The following GRIA1 variants were observed in gnomAD, a reference collection of about 807,000 sequenced individuals.
GRIA1 encodes glutamate receptor 1.
GRIA1 carries 31 observed loss-of-function variants against 99.2 expected under a neutral mutation model. The ratio of observed to expected loss-of-function variants is 0.31; its 90% confidence interval spans 0.23 to 0.42. The LOEUF (loss-of-function observed/expected upper bound fraction) is 0.42, where lower values mean the gene tolerates loss of function less well. Ranked by LOEUF, GRIA1 falls within the 10% of genes least tolerant of loss-of-function variation. GRIA1 has a pLI of 1.00. For synonymous variants in GRIA1, 438 were observed against 432.4 expected, an observed-to-expected ratio of 1.01 and a Z score of -0.16; for missense variants, 782 against 1,157.5, an observed-to-expected ratio of 0.68 and a Z score of 4.71.
At chr5:153,525,423 T>A (rs1757501959) in intron 2 of GRIA1, 1 of 152,152 alleles carries the variant, frequency 6.6e-6, no homozygotes, top group Admixed American at 6.5e-5. Context: ...TTCTATTTTT[T>A]GTACTCATTA....
At position 153,810,995 on chromosome 5, in the gene GRIA1, C is replaced by T. The variant is rs369319842; in HGVS notation, c.2521-30C>T. The T allele has an allele frequency of 3.3e-5, 52 of 1,559,006 alleles. No individual in the cohort carries two copies. In the East Asian group the frequency reaches 4.0e-4, roughly 12 times the overall value. On this transcript the variant is annotated intron_variant, in intron 15 of 15. Coordinates refer to ENST00000285900, the MANE Select transcript of GRIA1 (RefSeq NM_000827.4). The stretch of plus-strand genomic sequence containing the variant: ...CCATTGCCTGTCATTGCCAAGGACC[C>T]GGGGAAGAACCCCCGGTCCTCCTGA...
At chr5:153,579,742 T>A (rs115103837) in intron 2 of GRIA1, among the ~76,000 whole-genome samples, 2,997 of 152,232 alleles carry the variant, frequency 0.02, 52 homozygotes, top group African/African-American at 0.041. Context: ...GAAATGGCCA[T>A]GAAGTGCTTA....
chr5:153,517,536 G>A (rs1756742526), intron 2 of GRIA1, among the ~76,000 whole-genome samples: 1 of 152,192 alleles, frequency 6.6e-6, no homozygotes. Context: ...GATATGGGCA[G>A]ATGGGAAGCT....
chr5:153,710,364 A>G (rs1295842183), intron 11 of GRIA1, among the ~76,000 whole-genome samples: 3 of 152,008 alleles, frequency 2.0e-5, no homozygotes, highest in Non-Finnish European at 2.9e-5. Context: ...CTGGGACTAC[A>G]GGCACAAGCC....
chr5:153,717,870 T>C (rs1197895773), intron 11 of GRIA1, among the ~76,000 whole-genome samples: 1 of 152,200 alleles, frequency 6.6e-6, no homozygotes, highest in East Asian at 1.9e-4. Flanking sequence ...TATTTATCTT[T>C]ATCTCCTGAG....
chr5:153,670,534 T>A (rs1402983158), intron 5 of GRIA1, among the ~76,000 whole-genome samples: 1 of 151,720 alleles, frequency 6.6e-6, no homozygotes, highest in African/African-American at 2.4e-5. Flanking sequence ...TCAAAGAGAG[T>A]AGTAATCAAA....
At chr5:153,703,871 C>T (rs17523488) in intron 10 of GRIA1, among the ~76,000 whole-genome samples, 13,623 of 152,244 alleles carry the variant, frequency 0.089, 672 homozygotes, top group African/African-American at 0.11. Flanking sequence ...ACCTCCCTTC[C>T]GGATAACTTG....
At chr5:153,554,582 C>G (rs1490103546) in intron 2 of GRIA1, among the ~76,000 whole-genome samples, 2 of 152,176 alleles carry the variant, frequency 1.3e-5, no homozygotes, top group Non-Finnish European at 2.9e-5. Context: ...CAACCTCTGC[C>G]TCCCAGGTTC....
intron 13 of GRIA1, among the ~76,000 whole-genome samples, chr5:153,774,084 A>C (rs865794597): frequency 0.24 from 7,217 of 29,624 alleles, 358 homozygotes; most frequent in Middle Eastern, 0.38. Flanking sequence ...CCCCCCACAC[A>C]CACACACACA....
intron 13 of GRIA1, among the ~76,000 whole-genome samples, chr5:153,784,488 G>C (rs985566603): frequency 6.6e-6 from 1 of 152,158 alleles, no homozygotes; most frequent in Non-Finnish European, 1.5e-5. Flanking sequence ...TGCCTGACCA[G>C]CATTTCTTCT....
rs540874705 is a variant in GRIA1 at position 153,590,675 on chromosome 5, C to A, written c.221-56253C>A. Among the ~76,000 whole-genome samples, 52 of 152,094 alleles carry A rather than the reference C, an allele frequency of 3.4e-4. 2 individuals are homozygous for A. The highest frequency in any genetic ancestry group is 1.2e-3 in the African/African-American group (51 of 41,502). ...CAATTTTAAAGAAATTTACTTTACACCTATATTTTCCTAAAAAAAAATTTG... is the reference window on the plus strand; with the variant it reads ...CAATTTTAAAGAAATTTACTTTACAACTATATTTTCCTAAAAAAAAATTTG... On this transcript the variant is annotated intron_variant, in intron 2 of 15. Coordinates refer to ENST00000285900, the MANE Select transcript of GRIA1 (RefSeq NM_000827.4).
intron 2 of GRIA1, among the ~76,000 whole-genome samples, chr5:153,547,992 T>C (rs993900246): frequency 1.3e-5 from 2 of 152,168 alleles, no homozygotes; most frequent in African/African-American, 4.8e-5. Flanking sequence ...CATGTCTCCA[T>C]TTATTGTGAC....
intron 2 of GRIA1, among the ~76,000 whole-genome samples, chr5:153,530,461 A>C (rs1225169043): frequency 6.6e-6 from 1 of 152,178 alleles, no homozygotes; most frequent in Non-Finnish European, 1.5e-5. Context: ...GCATGGGTTC[A>C]TCTTTTCTTT....
rs77275619 is a variant in GRIA1, at chr5:153,575,451, G to A, written c.221-71477G>A. On this transcript the variant is annotated intron_variant, in intron 2 of 15. Transcript: ENST00000285900. ...AACGAATTCAGCAGACCCACAATCCGGCACTTCAGGTTTTTGAAATTTACT... is the reference window on the plus strand; with the variant it reads ...AACGAATTCAGCAGACCCACAATCCAGCACTTCAGGTTTTTGAAATTTACT... Among the ~76,000 whole-genome samples, 219 of 152,230 alleles carry A rather than the reference G, an allele frequency of 1.4e-3. 1 individual carries two copies. The highest frequency in any genetic ancestry group is 4.9e-3 in the African/African-American group (203 of 41,548).
intron 2 of GRIA1, among the ~76,000 whole-genome samples, chr5:153,590,881 T>C (rs1397206291): frequency 1.3e-5 from 2 of 152,218 alleles, no homozygotes; most frequent in African/African-American, 2.4e-5. Flanking sequence ...CCTTTTTTTC[T>C]TACCCTTTTA....
intron 11 of GRIA1, among the ~76,000 whole-genome samples, chr5:153,754,143 G>A (rs1762669637): frequency 1.3e-5 from 2 of 152,172 alleles, no homozygotes; most frequent in African/African-American, 2.4e-5. Context: ...CCCAGCCCTG[G>A]CCTCTAATAA....
At chr5:153,726,418 C>T (rs995112005) in intron 11 of GRIA1, among the ~76,000 whole-genome samples, 2 of 148,052 alleles carry the variant, frequency 1.4e-5, no homozygotes, top group African/African-American at 5.0e-5. Flanking sequence ...AATAGAGACA[C>T]AAAAAACCCT....
intron 10 of GRIA1, among the ~76,000 whole-genome samples, chr5:153,700,242 G>T (rs1758420601): frequency 6.6e-6 from 1 of 152,266 alleles, no homozygotes; most frequent in Admixed American, 6.5e-5. Context: ...AAAATTAGCT[G>T]CACATGGTGG....
chr5:153,561,492 C>T (rs1235199125), intron 2 of GRIA1, among the ~76,000 whole-genome samples: 1 of 152,146 alleles, frequency 6.6e-6, no homozygotes, highest in South Asian at 2.1e-4. Context: ...GAAGCTGTAA[C>T]TTGTAGAGCC....
Sources: allele counts gnomAD v4.1 joint callset (sites outside exome capture counted in the v4.1 genomes callset), GRCh38; gene constraint gnomAD v4.1.1; transcripts MANE v1.5; gene names NCBI Gene and HGNC (gene_info 2026-07-23, HGNC 2026-07-21).